CNTNAP2: variants seen among roughly 807,000 people sequenced by gnomAD.
CNTNAP2 encodes the protein contactin associated protein 2.
CNTNAP2 carries 98 observed loss-of-function variants against 155.2 expected under a neutral mutation model. The ratio of observed to expected loss-of-function variants is 0.63; its 90% CI spans 0.54 to 0.75. The LOEUF (loss-of-function observed/expected upper bound fraction) is 0.75, where lower values mean the gene tolerates loss of function less well. Among genes scored for constraint, CNTNAP2 ranks in the 30% least tolerant of loss-of-function variants. The probability of loss-of-function intolerance (pLI) is 0.00; values close to 1 mark genes in which losing one functional copy is unlikely to be tolerated. For missense variants in CNTNAP2, 1,727 were observed against 1,688.1 expected (o/e 1.02, Z -0.40); for synonymous variants, 651 against 631.2 (o/e 1.03, Z -0.47).
At chr7:148,084,382 A>G (rs1413666762) in intron 15 of CNTNAP2, among the ~76,000 whole-genome samples, 1 of 152,206 alleles carries the variant, frequency 6.6e-6, no homozygotes, top group Non-Finnish European at 1.5e-5. Context: ...GCAAAACAGT[A>G]GAGGCTTGGC....
chr7:147,125,811 A>G (rs1801220603), intron 6 of CNTNAP2, among the ~76,000 whole-genome samples: 3 of 152,186 alleles, frequency 2.0e-5, no homozygotes, highest in Non-Finnish European at 2.9e-5. Flanking sequence ...AACAGGAAGT[A>G]ATAGAAAAAA....
intron 1 of CNTNAP2, among the ~76,000 whole-genome samples, chr7:146,645,428 A>G (rs1257272392): frequency 6.6e-6 from 1 of 152,130 alleles, no homozygotes; most frequent in Non-Finnish European, 1.5e-5. Flanking sequence ...GAGGGTCTGC[A>G]TACCCCCTGG....
intron 2 of CNTNAP2, among the ~76,000 whole-genome samples, chr7:146,777,903 ATTTT>A (rs71165038): frequency 6.7e-5 from 10 of 150,060 alleles, no homozygotes; most frequent in Non-Finnish European, 1.5e-4. Flanking sequence ...GAGAAAAGAG[ATTTT>A]TTTTTTTAAG....
intron 9 of CNTNAP2, among the ~76,000 whole-genome samples, chr7:147,302,100 T>C (rs868444487): frequency 6.6e-6 from 1 of 152,200 alleles, no homozygotes; most frequent in African/African-American, 2.4e-5. Flanking sequence ...CTGGACATAC[T>C]GATGTGAGAA....
At chr7:147,335,561 G>T (rs1290069616) in intron 9 of CNTNAP2, among the ~76,000 whole-genome samples, 1 of 152,108 alleles carries the variant, frequency 6.6e-6, no homozygotes, top group Non-Finnish European at 1.5e-5. Context: ...GAAAATAAAT[G>T]ATTGAACAAA....
chr7:147,472,904 C>G (rs1391495453), intron 10 of CNTNAP2, among the ~76,000 whole-genome samples: 3 of 152,154 alleles, frequency 2.0e-5, no homozygotes, highest in African/African-American at 7.2e-5. Context: ...TATCAAGAAG[C>G]AGGTGGAGTG....
At chr7:147,190,533 T>A (rs1802660039) in intron 8 of CNTNAP2, among the ~76,000 whole-genome samples, 1 of 152,220 alleles carries the variant, frequency 6.6e-6, no homozygotes, top group Non-Finnish European at 1.5e-5. Context: ...TGGGTCATTG[T>A]CACACATCAT....
intron 20 of CNTNAP2, among the ~76,000 whole-genome samples, chr7:148,235,841 A>T (rs190664499): frequency 1.7e-3 from 259 of 151,958 alleles, no homozygotes; most frequent in Non-Finnish European, 2.0e-3. Context: ...GTGTGCCACC[A>T]CGCCCAGCTA....
chr7:146,353,849 AATAAG>A (rs1474539640), intron 1 of CNTNAP2, among the ~76,000 whole-genome samples: 1 of 152,188 alleles, frequency 6.6e-6, no homozygotes, highest in African/African-American at 2.4e-5. Context: ...GATCTGTATG[AATAAG>A]ATAATACATG....
rs1053646097 is a variant in CNTNAP2 at position 146,504,828 on chromosome 7, C to T, written c.98-269443C>T. On this transcript the variant is annotated intron_variant, in intron 1 of 23. Coordinates refer to ENST00000361727, the MANE Select transcript of CNTNAP2 (RefSeq NM_014141.6). ...ATGACCATACTGTGTCTCCACAGTC[C>T]CATAAACTCCCAGGGGGCACAAAGT... 2.0e-5 allele frequency among the ~76,000 whole-genome samples: 3 copies of T among 152,160 alleles called. No homozygotes were observed. In the South Asian group the frequency reaches 6.2e-4, roughly 32 times the overall value.
chr7:146,591,638 T>C (rs1455846663), intron 1 of CNTNAP2, among the ~76,000 whole-genome samples: 1 of 152,216 alleles, frequency 6.6e-6, no homozygotes, highest in African/African-American at 2.4e-5. Context: ...TCATTCTGAA[T>C]GCAATGTCAC....
chr7:147,464,937 T>C (rs1011390557), intron 10 of CNTNAP2, among the ~76,000 whole-genome samples: 3 of 152,236 alleles, frequency 2.0e-5, no homozygotes, highest in Non-Finnish European at 4.4e-5. Flanking sequence ...ATGTATTTCA[T>C]TTGATGTGAT....
chr7:147,901,677 G>A (rs1799870586), intron 13 of CNTNAP2, among the ~76,000 whole-genome samples: 2 of 152,306 alleles, frequency 1.3e-5, no homozygotes, highest in Non-Finnish European at 2.9e-5. Flanking sequence ...TCAAGATGCA[G>A]CTCAACTATT....
At chr7:147,930,399 A>G (rs1341035069) in intron 14 of CNTNAP2, among the ~76,000 whole-genome samples, 1 of 152,324 alleles carries the variant, frequency 6.6e-6, no homozygotes, top group East Asian at 1.9e-4. Flanking sequence ...ATGATAATCT[A>G]TGCAAATGGC....
At chr7:146,687,653 GATC>G (rs1371186437) in intron 1 of CNTNAP2, among the ~76,000 whole-genome samples, 3 of 152,086 alleles carry the variant, frequency 2.0e-5, no homozygotes, top group Admixed American at 1.3e-4. Flanking sequence ...CAAGTTATCA[GATC>G]ATTTCATTTT....
chr7:147,166,958 G>T (rs1389899059), intron 8 of CNTNAP2, among the ~76,000 whole-genome samples: 1 of 152,086 alleles, frequency 6.6e-6, no homozygotes, highest in Admixed American at 6.5e-5. Context: ...AAAATTGTTT[G>T]CCCAGTTTTT....
chr7:147,505,725 G>A (rs1227572513), intron 11 of CNTNAP2, among the ~76,000 whole-genome samples: 1 of 152,174 alleles, frequency 6.6e-6, no homozygotes, highest in Non-Finnish European at 1.5e-5. Flanking sequence ...TTCCCAACAG[G>A]ATGAAGTATT....
At chr7:146,721,568 ATATTC>A (rs1192819950) in intron 1 of CNTNAP2, among the ~76,000 whole-genome samples, 1 of 115,150 alleles carries the variant, frequency 8.7e-6, no homozygotes, top group Non-Finnish European at 1.6e-5. Flanking sequence ...CATTCTATAT[ATATTC>A]TATATACATT....
At chr7:147,454,613 GA>G (rs1279594415) in intron 10 of CNTNAP2, among the ~76,000 whole-genome samples, 2 of 152,080 alleles carry the variant, frequency 1.3e-5, no homozygotes, top group African/African-American at 4.8e-5. Flanking sequence ...AATCTAAGCA[GA>G]ACTGGTGCTG....
Sources: gnomAD v4.1 joint callset for allele counts (sites outside exome capture counted in the v4.1 genomes callset) on GRCh38, gnomAD v4.1.1 for gene constraint, MANE v1.5 for transcripts, NCBI Gene and HGNC (gene_info 2026-07-23, HGNC 2026-07-21) for gene names.